The following ZNF385D variants were observed in gnomAD, a reference collection of about 807,000 sequenced individuals.
ZNF385D encodes the protein zinc finger protein 385D, also known as zinc finger protein 659.
In ZNF385D, 15 loss-of-function variants were observed where a neutral mutation model predicts 35.8. The observed-to-expected ratio is 0.42, with a 90% CI of 0.28 to 0.64. The LOEUF (loss-of-function observed/expected upper bound fraction) is 0.64, where lower values mean the gene tolerates loss of function less well. ZNF385D is among the 30% of genes least tolerant of loss of function. The pLI is 0.23. For missense variants in ZNF385D, 474 were observed against 494.6 expected (o/e 0.96, Z 0.39); for synonymous variants, 212 against 186.8 (o/e 1.13, Z -1.10).
At chr3:22,092,310 T>G (rs1701374396) in intron 3 of ZNF385D, among the ~76,000 whole-genome samples, 1 of 152,198 alleles carries the variant, frequency 6.6e-6, no homozygotes, top group Admixed American at 6.5e-5. Flanking sequence ...CAGGTTCTTT[T>G]ATGCTTCTTG....
intron 2 of ZNF385D, among the ~76,000 whole-genome samples, chr3:21,587,655 T>C (rs959930373): frequency 6.6e-6 from 1 of 152,200 alleles, no homozygotes; most frequent in African/African-American, 2.4e-5. Context: ...TTTTAAAATG[T>C]GTTCAGTGTT....
chr3:22,008,439 G>A (rs1696358948), intron 3 of ZNF385D, among the ~76,000 whole-genome samples: 1 of 144,144 alleles, frequency 6.9e-6, no homozygotes. Flanking sequence ...TGCAGGCTCC[G>A]CCCCCCGGAG....
chr3:21,802,928 A>T (rs2072472192), intron 3 of ZNF385D, among the ~76,000 whole-genome samples: 1 of 152,176 alleles, frequency 6.6e-6, no homozygotes, highest in Admixed American at 6.5e-5. Flanking sequence ...ACAAGGAAAG[A>T]TGTTGGGAAG....
intron 2 of ZNF385D, among the ~76,000 whole-genome samples, chr3:22,169,478 T>C (rs1251387021): frequency 6.6e-6 from 1 of 152,200 alleles, no homozygotes; most frequent in Non-Finnish European, 1.5e-5. Context: ...TGAATTAGAT[T>C]ATTTTGTTTT....
chr3:21,765,722 C>CAGAGAGAGACAGAGAGAGAGAAAG (rs149537086), intron 3 of ZNF385D, among the ~76,000 whole-genome samples: 4 of 151,378 alleles, frequency 2.6e-5, no homozygotes, highest in African/African-American at 9.7e-5. Context: ...CATACACACA[C>CAGAGAGAGACAGAGAGAGAGAAAG]AGAGAGAGAA....
At chr3:21,821,437 C>G (rs1426669949) in intron 3 of ZNF385D, among the ~76,000 whole-genome samples, 1 of 152,038 alleles carries the variant, frequency 6.6e-6, no homozygotes, top group Admixed American at 6.6e-5. Flanking sequence ...TTCTTCTTGA[C>G]AAATACATGA....
At chr3:21,727,594 T>C (rs887145007) in intron 1 of ZNF385D, among the ~76,000 whole-genome samples, 3 of 152,066 alleles carry the variant, frequency 2.0e-5, no homozygotes, top group Non-Finnish European at 4.4e-5. Flanking sequence ...ATTAGAGAAA[T>C]GCAAATCAAA....
chr3:21,662,264 A>G (rs958546462), intron 2 of ZNF385D, among the ~76,000 whole-genome samples: 1 of 152,190 alleles, frequency 6.6e-6, no homozygotes, highest in Non-Finnish European at 1.5e-5. Flanking sequence ...CTAAAGGGTC[A>G]TGCTAGCCAG....
chr3:22,320,673 T>A (rs9832968), intron 2 of ZNF385D, among the ~76,000 whole-genome samples: 84,465 of 149,502 alleles, frequency 0.56, 24,790 homozygotes, highest in African/African-American at 0.71. Context: ...ATTTAATAGA[T>A]TAAAACTACA....
At position 21,418,909 on chromosome 3, in the gene ZNF385D, G is replaced by A. The variant is rs1700623867; in HGVS notation, c.*2305C>T. On this transcript the variant is annotated 3_prime_UTR_variant, in exon 8 of 8. Transcript: ENST00000281523. ...GCTGGTCACATGGGATACAGACAGA[G>A]CCCCAAACAACAGACTTATGGGCAA... is the stretch of plus-strand genomic sequence containing the variant. The A allele has an allele frequency of 6.6e-6, 1 of 152,094 alleles. No homozygotes were observed. The allele number at this position is 152,094 out of a possible 1,614,324, so 9.4% of individuals were successfully genotyped here. A position where few individuals can be genotyped will look rare whatever the true frequency, so the allele number is the denominator to read the frequency against.
chr3:22,100,377 T>A (rs1336140652), intron 3 of ZNF385D, among the ~76,000 whole-genome samples: 2 of 147,424 alleles, frequency 1.4e-5, no homozygotes, highest in Non-Finnish European at 3.0e-5. Flanking sequence ...TAAAGACACA[T>A]GCACACGTAT....
chr3:22,007,684 G>T (rs565741439), intron 3 of ZNF385D, among the ~76,000 whole-genome samples: 1 of 152,134 alleles, frequency 6.6e-6, no homozygotes, highest in Non-Finnish European at 1.5e-5. Flanking sequence ...AATCTGATAA[G>T]TGAGAAATGA....
At chr3:22,265,463 T>C (rs1700852001) in intron 2 of ZNF385D, among the ~76,000 whole-genome samples, 1 of 151,956 alleles carries the variant, frequency 6.6e-6, no homozygotes. Flanking sequence ...GCAGAAACAT[T>C]TAAAACTCAC....
chr3:21,457,120 C>T (rs904710769), intron 4 of ZNF385D, among the ~76,000 whole-genome samples: 3 of 151,952 alleles, frequency 2.0e-5, no homozygotes, highest in Admixed American at 1.3e-4. Context: ...ATAATAGATT[C>T]CCAATAAATA....
chr3:21,827,984 T>G (rs1320349072), intron 3 of ZNF385D, among the ~76,000 whole-genome samples: 1 of 152,204 alleles, frequency 6.6e-6, no homozygotes, highest in African/African-American at 2.4e-5. Context: ...GTCAGTTGTG[T>G]TGGATATTAA....
At chr3:21,596,279 G>A (rs1229199810) in intron 2 of ZNF385D, among the ~76,000 whole-genome samples, 2 of 152,088 alleles carry the variant, frequency 1.3e-5, no homozygotes, top group African/African-American at 4.8e-5. Context: ...AACACAAAAG[G>A]ATAAATAAAA....
At chr3:21,845,694 CATATT>C (rs1383879178) in intron 3 of ZNF385D, among the ~76,000 whole-genome samples, 1 of 151,856 alleles carries the variant, frequency 6.6e-6, no homozygotes, top group African/African-American at 2.4e-5. Flanking sequence ...CCACATTTGC[CATATT>C]ATAACATCAG....
rs545275153 is a variant in ZNF385D, at chr3:21,898,836, C to T, written c.326-233808G>A. On this transcript the variant is annotated intron_variant, in intron 3 of 5. Coordinates refer to the ZNF385D transcript ENST00000494108. ...AGCATCACATTCATAAAGATAATCT[C>T]TAAACCAAAGAAATAAAGGAGACAT... 4.6e-5 allele frequency among the ~76,000 whole-genome samples: 7 copies of T among 152,216 alleles called. No individual in the cohort carries two copies. In the East Asian group the frequency reaches 9.7e-4, roughly 21 times the overall value.
At chr3:21,724,469 T>C (rs1263630282) in intron 1 of ZNF385D, among the ~76,000 whole-genome samples, 21 of 27,834 alleles carry the variant, frequency 7.5e-4, no homozygotes, top group African/African-American at 3.1e-3. Flanking sequence ...ACCAAGCAAA[T>C]GGAAAGCCAA....
Sources: gnomAD v4.1 joint callset for allele counts (sites outside exome capture counted in the v4.1 genomes callset) on GRCh38, gnomAD v4.1.1 for gene constraint, MANE v1.5 for transcripts, NCBI Gene and HGNC (gene_info 2026-07-23, HGNC 2026-07-21) for gene names.